Variants in ITGA8 observed in about 807,000 individuals in gnomAD.
The protein encoded by ITGA8 is integrin subunit alpha 8.
A neutral mutation model predicts 142.3 loss-of-function variants in ITGA8; 91 were observed. The observed-to-expected ratio is 0.64, with a 90% CI of 0.54 to 0.76. ITGA8 has a LOEUF of 0.76. Among genes scored for constraint, ITGA8 ranks in the 30% least tolerant of loss-of-function variants. ITGA8 has a pLI of 0.00. For missense variants in ITGA8, 1,406 were observed against 1,327.7 expected (o/e 1.06, Z -0.92); for synonymous variants, 505 against 485.2 (o/e 1.04, Z -0.54).
intron 28 of ITGA8, among the ~76,000 whole-genome samples, chr10:15,526,093 T>C (rs1298282465): frequency 1.3e-5 from 2 of 152,210 alleles, no homozygotes; most frequent in Non-Finnish European, 2.9e-5. Flanking sequence ...ATAGCTACCA[T>C]GTTGGACTGC....
At position 15,656,993 on chromosome 10, in the gene ITGA8, A is replaced by G. The variant is rs535340312; in HGVS notation, c.949-1587T>C. 3.3e-5 allele frequency among the ~76,000 whole-genome samples: 5 copies of G among 152,328 alleles called. No homozygotes were observed. In the South Asian group the frequency reaches 6.2e-4, roughly 19 times the overall value. The stretch of plus-strand genomic sequence containing the variant: ...GCAGAGAAAATGAATACATGAGTTA[A>G]CAAGTGGCATGTAACAACTCAATTC... On this transcript the variant is annotated intron_variant, in intron 10 of 29. Transcript: ENST00000378076.
rs777509351 is a variant in ITGA8, at chr10:15,672,685, C to T, written c.741G>A (p.Arg247=). The T allele has an allele frequency of 6.2e-7, 1 of 1,613,834 alleles. No individual in the cohort carries two copies. The highest frequency in any genetic ancestry group is 1.1e-5 in the South Asian group (1 of 91,034). Residue 247 remains arginine (R), a synonymous_variant, in exon 7 of 30, where the codon AGG becomes AGA. Coordinates refer to ENST00000378076, the MANE Select transcript of ITGA8 (RefSeq NM_003638.3). ...CCGTCTGCTTTTCTCCTGCCAGTTT[C>T]CTGAGGATATCCTTGAATGAGTAAT... ...IANYSFKDIL[R]KLAGEKQTEV... is the part of the protein sequence containing the mutation.
At chr10:15,644,813 G>T (rs996676488) in intron 12 of ITGA8, among the ~76,000 whole-genome samples, 30 of 151,712 alleles carry the variant, frequency 2.0e-4, no homozygotes, top group Non-Finnish European at 4.0e-4. Flanking sequence ...AGCCTCCAGG[G>T]CCTGGCGCGG....
intron 27 of ITGA8, among the ~76,000 whole-genome samples, chr10:15,543,660 A>G (rs1050936666): frequency 6.6e-6 from 1 of 152,212 alleles, no homozygotes; most frequent in East Asian, 1.9e-4. Flanking sequence ...GATTAAAGAA[A>G]TTGGTGCAAT....
chr10:15,684,179 C>G (rs1201829079), intron 3 of ITGA8, 52 bp from the exon 4 acceptor site: 1 of 1,569,292 alleles, frequency 6.4e-7, no homozygotes, highest in Non-Finnish European at 8.6e-7. Context: ...GTTTCTCATA[C>G]TACAGTTTTA....
chr10:15,517,758 G>A (rs1832990234), intron 29 of ITGA8, among the ~76,000 whole-genome samples: 1 of 152,258 alleles, frequency 6.6e-6, no homozygotes, highest in Non-Finnish European at 1.5e-5. Flanking sequence ...CAGGAGGGCA[G>A]AGTGCTCACA....
In ITGA8 at chr10:15,542,948, C is replaced by T. The variant is rs536433177; in HGVS notation, c.2880+5507G>A. Reference sequence around the variant, plus strand: ...AAAGATTGGCAGGCTGTTCCTTAAGCGTAAAGAGCCATTTAGATGTAGTCT... The same window carrying T: ...AAAGATTGGCAGGCTGTTCCTTAAGTGTAAAGAGCCATTTAGATGTAGTCT... On this transcript the variant is annotated intron_variant, in intron 27 of 29. Coordinates refer to ENST00000378076, the MANE Select transcript of ITGA8 (RefSeq NM_003638.3). Among the ~76,000 whole-genome samples, 5 of 152,190 alleles carry T rather than the reference C, an allele frequency of 3.3e-5. No individual in the cohort carries two copies. The East Asian group carries it at 5.8e-4, about 18-fold the overall frequency.
chr10:15,710,134 G>GA (rs959953208), intron 2 of ITGA8, among the ~76,000 whole-genome samples: 9 of 151,372 alleles, frequency 5.9e-5, no homozygotes, highest in Non-Finnish European at 1.2e-4. Flanking sequence ...TTGAAAACAA[G>GA]AAAAAAAATG....
intron 13 of ITGA8, among the ~76,000 whole-genome samples, chr10:15,639,607 G>A (rs956109630): frequency 1.3e-5 from 2 of 152,194 alleles, no homozygotes; most frequent in African/African-American, 4.8e-5. Flanking sequence ...CACCCCACCC[G>A]CTTGATCTCT....
intron 2 of ITGA8, among the ~76,000 whole-genome samples, chr10:15,712,313 G>A (rs372951017): frequency 1.3e-5 from 2 of 152,232 alleles, no homozygotes; most frequent in Non-Finnish European, 2.9e-5. Flanking sequence ...TGGGTGTGGC[G>A]GCTCATGCCT....
chr10:15,556,925 G>T (rs935368890), intron 26 of ITGA8, among the ~76,000 whole-genome samples: 3 of 152,196 alleles, frequency 2.0e-5, no homozygotes, highest in Non-Finnish European at 2.9e-5. Context: ...GAATGTGCAT[G>T]CAGCTTCCTA....
intron 22 of ITGA8, 36 bp downstream of exon 22, chr10:15,592,189 A>G: frequency 6.8e-7 from 1 of 1,467,178 alleles, no homozygotes; most frequent in Non-Finnish European, 9.5e-7. Context: ...TTTTCTTTTG[A>G]CTGCTGTCAA....
rs369154082 is a variant in ITGA8, at chr10:15,641,045, AG to A, written c.1399+2984del. On this transcript the variant is annotated intron_variant, in intron 13 of 29. Coordinates refer to ENST00000378076, the MANE Select transcript of ITGA8 (RefSeq NM_003638.3). ...TCATTCCTTGGGAGGGTAGCTACAC[AG>A]GGTGGAGAAAAAGAGTCTTTTTTCT... Among the ~76,000 whole-genome samples, 251 of 152,248 alleles carry A rather than the reference AG, an allele frequency of 1.6e-3. 1 individual carries two copies. Among genetic ancestry groups the A allele is most frequent in the African/African-American group, 5.8e-3 (243 of 41,554 alleles).
intron 21 of ITGA8, among the ~76,000 whole-genome samples, chr10:15,596,308 T>G (rs184202429): frequency 8.5e-4 from 130 of 152,314 alleles, no homozygotes; most frequent in African/African-American, 3.0e-3. Flanking sequence ...TGTTCTAACC[T>G]TTACCCTCTG....
chr10:15,522,781 G>A (rs986400073), intron 28 of ITGA8, among the ~76,000 whole-genome samples: 1 of 152,174 alleles, frequency 6.6e-6, no homozygotes, highest in Admixed American at 6.5e-5. Context: ...GGAGGCCAAG[G>A]CAGGTGGATC....
chr10:15,717,208 AT>A (rs1260399545), intron 2 of ITGA8, among the ~76,000 whole-genome samples: 5 of 152,240 alleles, frequency 3.3e-5, no homozygotes, highest in Admixed American at 2.6e-4. Context: ...AGATTATTAA[AT>A]TCTTTTCCAC....
At chr10:15,601,129 C>G (rs1833097510) in intron 20 of ITGA8, among the ~76,000 whole-genome samples, 1 of 152,000 alleles carries the variant, frequency 6.6e-6, no homozygotes, top group South Asian at 2.1e-4. Context: ...ATCCCAGCTA[C>G]CCGGGAGGCT....
intron 23 of ITGA8, among the ~76,000 whole-genome samples, chr10:15,576,827 A>C (rs1358953075): frequency 2.6e-5 from 4 of 152,226 alleles, no homozygotes; most frequent in African/African-American, 9.6e-5. Context: ...CAACCCACAG[A>C]AATGTTGCTA....
At chr10:15,643,584 G>A (rs532480595) in intron 13 of ITGA8, among the ~76,000 whole-genome samples, 23 of 152,254 alleles carry the variant, frequency 1.5e-4, no homozygotes, top group African/African-American at 4.8e-4. Flanking sequence ...GATGGGCCAA[G>A]CTGGAAAATA....
Sources: allele counts gnomAD v4.1 joint callset (sites outside exome capture counted in the v4.1 genomes callset), GRCh38; gene constraint gnomAD v4.1.1; transcripts MANE v1.5; gene names NCBI Gene and HGNC (gene_info 2026-07-23, HGNC 2026-07-21).